Variants in BACH2 observed in about 807,000 individuals in gnomAD.
BACH2 encodes transcription regulator protein BACH2.
BACH2 carries 5 observed loss-of-function variants against 61.8 expected under a neutral mutation model. The ratio of observed to expected loss-of-function variants is 0.08; its 90% CI spans 0.04 to 0.17. The LOEUF (loss-of-function observed/expected upper bound fraction) is 0.17. BACH2 is among the 10% of genes least tolerant of loss of function. BACH2 has a pLI of 1.00. For missense variants in BACH2, 824 were observed against 1,091.1 expected (o/e 0.76, Z 3.45); for synonymous variants, 446 against 440.1 (o/e 1.01, Z -0.17).
intron 1 of BACH2, 34 bp downstream of exon 1, chr6:90,296,446 C>T (rs1772394345): frequency 6.6e-6 from 1 of 150,772 alleles, no homozygotes. Flanking sequence ...CCCCGCCCAG[C>T]GGCGGGGCCC....
intron 3 of BACH2, among the ~76,000 whole-genome samples, chr6:90,218,400 A>T (rs890081413): frequency 6.6e-6 from 1 of 152,126 alleles, no homozygotes; most frequent in Admixed American, 6.5e-5. Flanking sequence ...TCCTCAGTCT[A>T]GCTGCCTCAC....
At chr6:90,259,519 G>A (rs773676924) in intron 2 of BACH2, among the ~76,000 whole-genome samples, 3 of 152,172 alleles carry the variant, frequency 2.0e-5, no homozygotes, top group Non-Finnish European at 4.4e-5. Flanking sequence ...CAGAGAAATT[G>A]GGTTTAAATT....
Position 90,231,693 on chromosome 6 carries a change from A to G in BACH2, c.-275+20820T>C, listed in dbSNP as rs768522334. Among the ~76,000 whole-genome samples the G allele has an allele frequency of 2.4e-4, 37 of 152,230 alleles. 2 individuals are homozygous for G. Among genetic ancestry groups the G allele is most frequent in the Non-Finnish European group, 1.3e-4 (9 of 68,044 alleles). ...TGCAATTTGAAATGTCAGCTGCCAA[A>G]CATAATAAGAGATGCCACTTGCTAT... On this transcript the variant is annotated intron_variant, in intron 3 of 8. Coordinates refer to ENST00000257749, the MANE Select transcript of BACH2 (RefSeq NM_021813.4).
intron 5 of BACH2, among the ~76,000 whole-genome samples, chr6:90,055,389 T>C (rs1393042114): frequency 6.6e-6 from 1 of 151,626 alleles, no homozygotes; most frequent in Non-Finnish European, 1.5e-5. Flanking sequence ...GAAGACAAAA[T>C]GAATGAAATG....
intron 6 of BACH2, 162 bp from the exon 7 acceptor site, chr6:89,952,024 C>A (rs1774158915): frequency 1.2e-6 from 1 of 802,990 alleles, no homozygotes; most frequent in Non-Finnish European, 1.9e-6. Flanking sequence ...ATTCTGCTTC[C>A]AATAATTAGT....
chr6:90,071,015 T>C (rs1412517759), intron 5 of BACH2, among the ~76,000 whole-genome samples: 3 of 152,214 alleles, frequency 2.0e-5, no homozygotes, highest in Admixed American at 2.0e-4. Flanking sequence ...AGTCAGAGTC[T>C]TGCTCTGTCA....
intron 5 of BACH2, chr6:90,080,661 A>G: frequency 1.4e-6 from 1 of 730,128 alleles, no homozygotes; most frequent in Non-Finnish European, 1.7e-6. Context: ...CAGCAAACAT[A>G]TGCAGGTAAC....
At chr6:90,105,907 A>G (rs1403796768) in intron 4 of BACH2, among the ~76,000 whole-genome samples, 1 of 152,214 alleles carries the variant, frequency 6.6e-6, no homozygotes, top group Non-Finnish European at 1.5e-5. Context: ...CATTACAACT[A>G]CAGATTGCAC....
chr6:90,032,133 T>C (rs1194195436), intron 5 of BACH2, among the ~76,000 whole-genome samples: 7 of 152,052 alleles, frequency 4.6e-5, no homozygotes, highest in Non-Finnish European at 1.0e-4. Context: ...TAAATGGTGC[T>C]GGGAAAACTG....
At chr6:90,098,285 A>C (rs85706) in intron 4 of BACH2, among the ~76,000 whole-genome samples, 119,175 of 151,016 alleles carry the variant, frequency 0.79, 47,527 homozygotes, top group East Asian at 0.94. Flanking sequence ...CCCCCCCGCA[A>C]CCCCCACCCT....
At chr6:89,992,227 ATATT>A (rs1776615493) in intron 6 of BACH2, among the ~76,000 whole-genome samples, 1 of 152,344 alleles carries the variant, frequency 6.6e-6, no homozygotes, top group African/African-American at 2.4e-5. Flanking sequence ...TCACACATAT[ATATT>A]TATGTGTTAC....
intron 4 of BACH2, among the ~76,000 whole-genome samples, chr6:90,143,747 C>T (rs989255041): frequency 2.0e-5 from 3 of 152,096 alleles, no homozygotes; most frequent in African/African-American, 7.2e-5. Context: ...TGAATAAGCC[C>T]TGACTGAGGG....
At chr6:90,038,503 T>C (rs2127790252) in intron 5 of BACH2, among the ~76,000 whole-genome samples, 1 of 152,108 alleles carries the variant, frequency 6.6e-6, no homozygotes, top group East Asian at 1.9e-4. Context: ...TAAAGATGGT[T>C]TGAAAAATAT....
intron 4 of BACH2, among the ~76,000 whole-genome samples, chr6:90,093,945 G>C (rs1012313847): frequency 6.6e-6 from 1 of 152,166 alleles, no homozygotes; most frequent in African/African-American, 2.4e-5. Context: ...CGTATTTACT[G>C]TTAGAGAAGT....
chr6:90,046,792 T>C (rs1203875355), intron 5 of BACH2, among the ~76,000 whole-genome samples: 1 of 144,502 alleles, frequency 6.9e-6, no homozygotes, highest in Non-Finnish European at 1.5e-5. Context: ...TCAGAGCTAC[T>C]AGAATTTGGT....
chr6:90,092,217 C>T (rs1405563375), intron 4 of BACH2, among the ~76,000 whole-genome samples: 9 of 148,702 alleles, frequency 6.1e-5, no homozygotes, highest in Non-Finnish European at 1.2e-4. Flanking sequence ...AAATATACTT[C>T]GAAGCAACCC....
At chr6:90,171,787 A>T (rs1323133704) in intron 4 of BACH2, among the ~76,000 whole-genome samples, 8 of 152,212 alleles carry the variant, frequency 5.3e-5, no homozygotes, top group African/African-American at 1.9e-4. Flanking sequence ...AGTAAACAGG[A>T]TCTTAAAATA....
chr6:89,939,915 T>C (rs1250350788), intron 7 of BACH2, among the ~76,000 whole-genome samples: 1 of 149,558 alleles, frequency 6.7e-6, no homozygotes, highest in Non-Finnish European at 1.5e-5. Context: ...TTGCCCAGGC[T>C]GGTTTCAAAC....
chr6:90,016,217 G>A (rs1203455985), intron 5 of BACH2, among the ~76,000 whole-genome samples: 1 of 152,028 alleles, frequency 6.6e-6, no homozygotes, highest in Admixed American at 6.6e-5. Context: ...AATCTAATCT[G>A]AAAACGTCTG....
Sources: gnomAD v4.1 joint callset for allele counts (sites outside exome capture counted in the v4.1 genomes callset) on GRCh38, gnomAD v4.1.1 for gene constraint, MANE v1.5 for transcripts, NCBI Gene and HGNC (gene_info 2026-07-23, HGNC 2026-07-21) for gene names.